Variants in WDR4 observed in about 807,000 individuals in gnomAD.
The protein encoded by WDR4 is WDR4 tRNA N7-guanosine methyltransferase non-catalytic subunit.
Under a neutral mutation model 48.6 loss-of-function variants are expected in WDR4, and 47 were observed. The ratio of observed to expected loss-of-function variants is 0.97; its 90% CI spans 0.77 to 1.23. The LOEUF (loss-of-function observed/expected upper bound fraction) is 1.23. Among genes scored for constraint, WDR4 ranks in the 50% most tolerant of loss-of-function variants. WDR4 has a pLI of 0.00. For synonymous variants in WDR4, 268 were observed against 230.0 expected, an observed-to-expected ratio of 1.17 and a Z score of -1.49; for missense variants, 606 against 551.6, an observed-to-expected ratio of 1.10 and a Z score of -0.99.
intron 5 of WDR4, 53 bp from the exon 6 acceptor site, chr21:42,859,775 C>T: frequency 6.5e-7 from 1 of 1,541,380 alleles, no homozygotes; most frequent in Non-Finnish European, 8.8e-7. Flanking sequence ...CCCGCAGGGA[C>T]CGGGAGGCCT....
chr21:42,864,287 C>T (rs75648438), intron 3 of WDR4, among the ~76,000 whole-genome samples: 3 of 151,630 alleles, frequency 2.0e-5, no homozygotes, highest in South Asian at 4.2e-4. Context: ...AGGGAGACAA[C>T]GGCCCTCTCC....
upstream of WDR4, among the ~76,000 whole-genome samples, chr21:42,880,185 G>A (rs138528232): frequency 6.6e-6 from 1 of 151,948 alleles, no homozygotes; most frequent in African/African-American, 2.4e-5. Flanking sequence ...CTCGGGTGGC[G>A]TCAAGTCTGA....
the WDR4 span, among the ~76,000 whole-genome samples, chr21:42,885,347 A>G: frequency 1.3e-5 from 2 of 152,092 alleles, no homozygotes; most frequent in South Asian, 4.1e-4. Context: ...ACGGTGGCTC[A>G]TGCCTGTAAT....
the WDR4 span, among the ~76,000 whole-genome samples, chr21:42,885,365 C>T: frequency 6.6e-6 from 1 of 152,068 alleles, no homozygotes; most frequent in African/African-American, 2.4e-5. Context: ...AATCCTAGCA[C>T]TTTGGGAAGC....
chr21:42,879,350 G>T, intron 1 of WDR4, 57 bp downstream of exon 1: 1 of 1,592,644 alleles, frequency 6.3e-7, no homozygotes, highest in Non-Finnish European at 8.6e-7. Flanking sequence ...GGGGTCGCCA[G>T]GACCCGACGC....
At chr21:42,858,843 G>A (rs1423710848) in intron 6 of WDR4, among the ~76,000 whole-genome samples, 1 of 152,058 alleles carries the variant, frequency 6.6e-6, no homozygotes, top group East Asian at 1.9e-4. Context: ...ACATAGAAGC[G>A]GCCAGAAGGT....
At chr21:42,861,474 C>G (rs2058116024) in intron 5 of WDR4, among the ~76,000 whole-genome samples, 1 of 152,176 alleles carries the variant, frequency 6.6e-6, no homozygotes. Flanking sequence ...TCAGCAGAAA[C>G]CTCCCTCACG....
At chr21:42,855,818 G>T in intron 6 of WDR4, 38 bp from the exon 7 acceptor site, 1 of 1,485,836 alleles carries the variant, frequency 6.7e-7, no homozygotes, top group Non-Finnish European at 9.1e-7. Context: ...ACATGGTTGT[G>T]GGGCTTCCGT....
At chr21:42,860,372 G>T (rs1010750260) in intron 5 of WDR4, among the ~76,000 whole-genome samples, 6 of 152,236 alleles carry the variant, frequency 3.9e-5, no homozygotes, top group African/African-American at 1.4e-4. Flanking sequence ...CAGCCATGAA[G>T]AATAACCCAA....
In WDR4 at chr21:42,862,196, G is replaced by A; in HGVS notation, c.566+86C>T. Reference sequence around the variant, plus strand: ...CTGTCACCCGCGTGGGGCCTCGCCAGCTACAACGGCACCTGCTGAGCCGCA... The same window carrying A: ...CTGTCACCCGCGTGGGGCCTCGCCAACTACAACGGCACCTGCTGAGCCGCA... On this transcript the variant is annotated intron_variant, in intron 5 of 10. Coordinates refer to ENST00000398208, the MANE Select transcript of WDR4 (RefSeq NM_018669.6). This position sits in a 1 kb window ranked among gnomAD's most constrained non-coding sequence, Gnocchi z 4.3. 7.7e-7 allele frequency: 1 copy of A among 1,297,384 alleles called. No homozygotes were observed. The highest frequency in any genetic ancestry group is 1.3e-5 in the South Asian group (1 of 75,376). 80.4% of individuals were successfully genotyped at this position (1,297,384 alleles called of 1,614,324 possible).
intron 3 of WDR4, among the ~76,000 whole-genome samples, chr21:42,863,951 C>CA (rs34989180): frequency 1.2e-5 from 1 of 84,124 alleles, no homozygotes; most frequent in Non-Finnish European, 2.3e-5. Flanking sequence ...ACTAAAAATA[C>CA]AAAAAATTAG....
chr21:42,889,260 G>A, the WDR4 span, among the ~76,000 whole-genome samples: 2 of 152,162 alleles, frequency 1.3e-5, no homozygotes, highest in Admixed American at 6.5e-5. Flanking sequence ...TGCGATTACA[G>A]ACTTGAGCCA....
At chr21:42,852,096 C>T (rs2057845772) in intron 10 of WDR4, among the ~76,000 whole-genome samples, 159 bp downstream of exon 10, 1 of 152,238 alleles carries the variant, frequency 6.6e-6, no homozygotes, top group African/African-American at 2.4e-5. Flanking sequence ...GCGTCACCCA[C>T]CTCCTGCCCT....
At chr21:42,850,372 T>A (rs2057793697) in intron 10 of WDR4, 130 bp from the exon 11 acceptor site, 1 of 806,476 alleles carries the variant, frequency 1.2e-6, no homozygotes, top group Non-Finnish European at 1.9e-6. Context: ...GGGGGGCGCC[T>A]TCTGGGACGG....
At chr21:42,859,594 G>GAC in intron 6 of WDR4, 68 bp downstream of exon 6, 1 of 511,148 alleles carries the variant, frequency 2.0e-6, no homozygotes, top group Non-Finnish European at 3.5e-6. Flanking sequence ...AGGTCCAGGA[G>GAC]GCGCCCACCC....
chr21:42,854,920 A>G (rs1195728760), intron 7 of WDR4, among the ~76,000 whole-genome samples: 4 of 152,144 alleles, frequency 2.6e-5, no homozygotes, highest in South Asian at 4.1e-4. Flanking sequence ...CGGAGGACAC[A>G]GGGGAAAGGA....
At chr21:42,880,637 G>C (rs1218442193), upstream of WDR4, among the ~76,000 whole-genome samples, 1 of 152,148 alleles carries the variant, frequency 6.6e-6, no homozygotes, top group Non-Finnish European at 1.5e-5. Flanking sequence ...TGCTTCCTGG[G>C]AGTATCTCCC....
chr21:42,878,970 G>C, intron 1 of WDR4: 1 of 996,082 alleles, frequency 1.0e-6, no homozygotes, highest in Non-Finnish European at 1.2e-6. Context: ...AGCTCGCAGT[G>C]AGTAAGCCCC....
At chr21:42,853,497 T>C (rs976460275) in intron 9 of WDR4, 72 bp downstream of exon 9, 15 of 1,499,170 alleles carry the variant, frequency 1.0e-5, no homozygotes, top group African/African-American at 1.4e-5. Flanking sequence ...CCAAAAAACA[T>C]AGCTGCCGCC....
Sources: allele counts gnomAD v4.1 joint callset (sites outside exome capture counted in the v4.1 genomes callset), GRCh38; gene constraint gnomAD v4.1.1; non-coding constraint Gnocchi (gnomAD v3.1); transcripts MANE v1.5; gene names NCBI Gene and HGNC (gene_info 2026-07-23, HGNC 2026-07-21).